CTDSPL: variants seen among roughly 807,000 people sequenced by gnomAD.
CTDSPL encodes the protein CTD small phosphatase like, also known as CTD small phosphatase-like protein.
CTDSPL carries 8 observed loss-of-function variants against 30.5 expected under a neutral mutation model. That is an observed-to-expected ratio of 0.26 (90% CI 0.15 to 0.47). The LOEUF (loss-of-function observed/expected upper bound fraction) is 0.47, where lower values mean the gene tolerates loss of function less well. CTDSPL is among the 20% of genes least tolerant of loss of function. The pLI is 0.99. For missense variants in CTDSPL, 248 were observed against 366.1 expected, an observed-to-expected ratio of 0.68 and a Z score of 2.63; for synonymous variants, 110 against 137.9, an observed-to-expected ratio of 0.80 and a Z score of 1.42.
intron 3 of CTDSPL, among the ~76,000 whole-genome samples, chr3:37,959,091 T>G: frequency 6.6e-6 from 1 of 152,194 alleles, no homozygotes; most frequent in South Asian, 2.1e-4. Flanking sequence ...GGGCTTGTGC[T>G]GAGTCTCCAA....
At position 37,871,871 on chromosome 3, in the gene CTDSPL, G is replaced by T. The variant is rs764034264; in HGVS notation, c.79+9593G>T. Among the ~76,000 whole-genome samples the T allele has an allele frequency of 2.6e-4, 39 of 152,066 alleles. 1 individual carries two copies. The Middle Eastern group carries it at 0.01, about 40-fold the overall frequency. On this transcript the variant is annotated intron_variant, in intron 1 of 7. Coordinates refer to ENST00000273179, the MANE Select transcript of CTDSPL (RefSeq NM_001008392.2). ...GTTGTTCTGTCTTCAAATTTGTTGG[G>T]TTTTTTTCCTTATTTCTTCTAGTCT...
intron 1 of CTDSPL, among the ~76,000 whole-genome samples, chr3:37,880,120 A>G (rs1305540658): frequency 6.8e-6 from 1 of 147,840 alleles, no homozygotes; most frequent in South Asian, 2.1e-4. Flanking sequence ...GTAATATTAT[A>G]TATATATAAA....
intron 6 of CTDSPL, among the ~76,000 whole-genome samples, chr3:37,972,445 T>G (rs1436383672): frequency 6.6e-6 from 1 of 152,162 alleles, no homozygotes; most frequent in African/African-American, 2.4e-5. Flanking sequence ...TGAGCCAAGA[T>G]CATGCCACTG....
chr3:37,894,149 G>A (rs939927981), intron 1 of CTDSPL, among the ~76,000 whole-genome samples: 5 of 152,062 alleles, frequency 3.3e-5, no homozygotes, highest in Admixed American at 3.3e-4. Context: ...TAGCACAATC[G>A]TAGCTCACTG....
intron 1 of CTDSPL, among the ~76,000 whole-genome samples, chr3:37,866,879 C>A (rs887626061): frequency 6.6e-6 from 1 of 152,192 alleles, no homozygotes; most frequent in African/African-American, 2.4e-5. Flanking sequence ...TAGATTCAGA[C>A]TAACTTTTTT....
At chr3:37,944,526 C>T (rs1051077843) in intron 1 of CTDSPL, among the ~76,000 whole-genome samples, 4 of 150,026 alleles carry the variant, frequency 2.7e-5, no homozygotes, top group Non-Finnish European at 1.5e-5. Flanking sequence ...AGAGCACCCA[C>T]GTCTGGAGCC....
intron 1 of CTDSPL, 90 bp from the exon 2 acceptor site, chr3:37,946,967 G>C (rs1559641182): frequency 7.1e-7 from 1 of 1,411,062 alleles, no homozygotes; most frequent in Non-Finnish European, 9.5e-7. Context: ...TGGGGTCTGG[G>C]GGGCAACTGC....
At chr3:37,883,122 G>T (rs563581157) in intron 1 of CTDSPL, among the ~76,000 whole-genome samples, 1 of 152,214 alleles carries the variant, frequency 6.6e-6, no homozygotes, top group African/African-American at 2.4e-5. Flanking sequence ...TTTATACAAA[G>T]CAAAGTGAAA....
chr3:37,906,370 T>A (rs1298353101), intron 1 of CTDSPL, among the ~76,000 whole-genome samples: 1 of 152,210 alleles, frequency 6.6e-6, no homozygotes, highest in African/African-American at 2.4e-5. Flanking sequence ...GTGCGACTGT[T>A]ACTGGTCCCA....
intron 1 of CTDSPL, chr3:37,911,877 G>A: frequency 3.1e-6 from 1 of 327,688 alleles, no homozygotes; most frequent in Non-Finnish European, 6.2e-6. Context: ...TGGGCAACAT[G>A]GTGAAAGCTC....
At chr3:37,911,086 AC>A (rs1698577698) in intron 1 of CTDSPL, among the ~76,000 whole-genome samples, 1 of 152,236 alleles carries the variant, frequency 6.6e-6, no homozygotes, top group South Asian at 2.1e-4. Flanking sequence ...AGAAATGCAG[AC>A]CGTAGAGTGT....
chr3:37,938,244 G>A (rs997909506), intron 1 of CTDSPL, among the ~76,000 whole-genome samples: 1 of 150,164 alleles, frequency 6.7e-6, no homozygotes, highest in African/African-American at 2.4e-5. Flanking sequence ...GCTCAGGAAT[G>A]TGAGTATGTG....
chr3:37,973,647 A>G (rs1225493809), intron 6 of CTDSPL, among the ~76,000 whole-genome samples: 3 of 152,240 alleles, frequency 2.0e-5, no homozygotes, highest in Non-Finnish European at 2.9e-5. Context: ...CCTGCTGCCC[A>G]GGAGCCCGCA....
chr3:37,946,734 C>G (rs1209992458), intron 1 of CTDSPL, among the ~76,000 whole-genome samples: 1 of 152,144 alleles, frequency 6.6e-6, no homozygotes, highest in Non-Finnish European at 1.5e-5. Context: ...ACTTCATCTG[C>G]TAGGTTCAGG....
In CTDSPL at chr3:37,982,617, A is replaced by T. The variant is rs1268752091; in HGVS notation, c.*1750A>T. The T allele has an allele frequency of 4.4e-6, 2 of 456,718 alleles. No homozygotes were observed. Among genetic ancestry groups the T allele is most frequent in the East Asian group, 6.9e-5 (1 of 14,400 alleles). The allele number at this position is 456,718 out of a possible 1,614,324, so 28.3% of individuals were successfully genotyped here. ...CTCCCAACAGCACTTTGGTCTGTGG[A>T]CTGCTGTGTGAATATTCAGAAGGGA... On this transcript the variant is annotated 3_prime_UTR_variant, in exon 8 of 8. Coordinates refer to ENST00000273179, the MANE Select transcript of CTDSPL (RefSeq NM_001008392.2).
rs547052250 is a variant in CTDSPL, at chr3:37,862,160, G to A, written c.-40G>A. 7.9e-6 allele frequency: 8 copies of A among 1,019,056 alleles called. No individual in the cohort carries two copies. Among genetic ancestry groups the A allele is most frequent in the African/African-American group, 1.7e-5 (1 of 57,198 alleles). The allele number at this position is 1,019,056 out of a possible 1,614,324, so 63.1% of individuals were successfully genotyped here. On this transcript the variant is annotated 5_prime_UTR_variant, in exon 1 of 8. Transcript: ENST00000273179. The surrounding 1 kb of genome is among the most constrained non-coding windows in gnomAD (Gnocchi z 4.3). Reference sequence around the variant, plus strand: ...CCGCGCCCCCGCGCGCTTGGCTTGCGGGGGGCCGGGCCTGCGGGCGGCCGC... The same window carrying A: ...CCGCGCCCCCGCGCGCTTGGCTTGCAGGGGGCCGGGCCTGCGGGCGGCCGC...
chr3:37,974,210 C>T (rs1575325289), intron 6 of CTDSPL, among the ~76,000 whole-genome samples: 2 of 152,352 alleles, frequency 1.3e-5, no homozygotes, highest in South Asian at 4.1e-4. Context: ...TTAGCCTCAC[C>T]AGCAGATGAC....
At chr3:37,881,951 T>A (rs1007119637) in intron 1 of CTDSPL, among the ~76,000 whole-genome samples, 4 of 152,356 alleles carry the variant, frequency 2.6e-5, no homozygotes, top group Non-Finnish European at 5.9e-5. Context: ...TAAGATTTGC[T>A]AGAGCTGGGT....
chr3:37,972,554 T>A (rs1364420524), intron 6 of CTDSPL, among the ~76,000 whole-genome samples: 2 of 150,634 alleles, frequency 1.3e-5, no homozygotes, highest in Non-Finnish European at 3.0e-5. Context: ...ATCCTAAAGC[T>A]TGATATGAAT....
Sources: gnomAD v4.1 joint callset for allele counts (sites outside exome capture counted in the v4.1 genomes callset) on GRCh38, gnomAD v4.1.1 for gene constraint, Gnocchi (gnomAD v3.1) non-coding constraint, MANE v1.5 for transcripts, NCBI Gene and HGNC (gene_info 2026-07-23, HGNC 2026-07-21) for gene names.